The following FSTL5 variants were observed in gnomAD, a reference collection of about 807,000 sequenced individuals.
FSTL5 encodes the protein follistatin like 5, also known as follistatin-related protein 5.
Under a neutral mutation model 89.1 loss-of-function variants are expected in FSTL5, and 62 were observed. The ratio of observed to expected loss-of-function variants is 0.70; its 90% CI spans 0.57 to 0.86. The LOEUF (loss-of-function observed/expected upper bound fraction) is 0.86. Ranked by LOEUF, FSTL5 falls within the 40% of genes least tolerant of loss-of-function variation. The pLI is 0.00. For missense variants in FSTL5, 1,057 were observed against 1,001.6 expected, an observed-to-expected ratio of 1.06 and a Z score of -0.75; for synonymous variants, 383 against 346.2, an observed-to-expected ratio of 1.11 and a Z score of -1.18.
intron 2 of FSTL5, among the ~76,000 whole-genome samples, chr4:162,108,457 T>C (rs1315301660): frequency 6.6e-6 from 1 of 152,018 alleles, no homozygotes; most frequent in African/African-American, 2.4e-5. Context: ...TACATTCTTC[T>C]AGGAAAAATG....
At chr4:162,039,814 G>A (rs930126126) in intron 2 of FSTL5, among the ~76,000 whole-genome samples, 1 of 151,900 alleles carries the variant, frequency 6.6e-6, no homozygotes, top group African/African-American at 2.4e-5. Context: ...TTCTGCAGTA[G>A]TCAAAAGTGA....
At chr4:162,003,909 A>G (rs1736537194) in intron 3 of FSTL5, among the ~76,000 whole-genome samples, 1 of 152,198 alleles carries the variant, frequency 6.6e-6, no homozygotes, top group South Asian at 2.1e-4. Context: ...TCATCTGGCA[A>G]ATGAGGATAA....
chr4:161,666,000 G>A lies in FSTL5; in HGVS notation c.728-9506C>T, dbSNP rs866343503. 2.0e-5 allele frequency among the ~76,000 whole-genome samples: 3 copies of A among 152,166 alleles called. No individual in the cohort carries two copies. In the Middle Eastern group the frequency reaches 0.01, roughly 518 times the overall value. ...ATTTCCATAACATTGGGTAGAGAAAGATTTTGTTAACAAGACACAAATGAA... is the reference window on the plus strand; with the variant it reads ...ATTTCCATAACATTGGGTAGAGAAAAATTTTGTTAACAAGACACAAATGAA... On this transcript the variant is annotated intron_variant, in intron 6 of 15. Transcript: ENST00000306100.
chr4:161,629,068 A>G (rs888354063), intron 7 of FSTL5, among the ~76,000 whole-genome samples: 13 of 152,166 alleles, frequency 8.5e-5, no homozygotes, highest in African/African-American at 3.1e-4. Context: ...AATGACATCA[A>G]TTATTATTTA....
At position 161,825,597 on chromosome 4, in the gene FSTL5, T is replaced by C. The variant is rs113773255; in HGVS notation, c.410-49523A>G. Among the ~76,000 whole-genome samples the C allele has an allele frequency of 4.1e-3, 617 of 152,286 alleles. 3 individuals are homozygous for C. Among genetic ancestry groups the C allele is most frequent in the Admixed American group, 6.6e-3 (101 of 15,294 alleles). On this transcript the variant is annotated intron_variant, in intron 4 of 15. Coordinates refer to ENST00000306100, the MANE Select transcript of FSTL5 (RefSeq NM_020116.5). Reference sequence around the variant, plus strand: ...TATTTGTCTGTTCAGAATTTATATATATTCCTGGTTTAATCTAGGAGGGTT... The same window carrying C: ...TATTTGTCTGTTCAGAATTTATATACATTCCTGGTTTAATCTAGGAGGGTT...
At chr4:162,068,445 T>C (rs1272570020) in intron 2 of FSTL5, among the ~76,000 whole-genome samples, 2 of 152,034 alleles carry the variant, frequency 1.3e-5, no homozygotes, top group Non-Finnish European at 2.9e-5. Context: ...AAGCAAGCAA[T>C]GGGGGAATGG....
chr4:161,430,190 C>G (rs752677286), intron 15 of FSTL5, among the ~76,000 whole-genome samples: 1 of 150,126 alleles, frequency 6.7e-6, no homozygotes, highest in African/African-American at 2.4e-5. Flanking sequence ...TGAAAATACA[C>G]AGAGGAGCAA....
At chr4:161,498,457 C>T (rs1054221114) in intron 12 of FSTL5, among the ~76,000 whole-genome samples, 6 of 152,090 alleles carry the variant, frequency 3.9e-5, no homozygotes, top group Non-Finnish European at 7.4e-5. Context: ...AAATAGCACA[C>T]ATGTGGTGCA....
intron 2 of FSTL5, among the ~76,000 whole-genome samples, chr4:162,046,860 G>A (rs4691808): frequency 0.037 from 5,601 of 152,058 alleles, 164 homozygotes; most frequent in East Asian, 0.11. Flanking sequence ...ATAGATTTGG[G>A]TTTCTAATTT....
chr4:161,454,048 G>A (rs1341519885), intron 15 of FSTL5, among the ~76,000 whole-genome samples: 2 of 152,096 alleles, frequency 1.3e-5, no homozygotes, highest in South Asian at 2.1e-4. Context: ...TTATAATTCT[G>A]ATTTATTAAT....
intron 8 of FSTL5, among the ~76,000 whole-genome samples, chr4:161,581,348 T>C (rs995606773): frequency 6.6e-6 from 1 of 152,182 alleles, no homozygotes; most frequent in African/African-American, 2.4e-5. Flanking sequence ...CTTCTCACTC[T>C]CTCATTTATT....
At chr4:161,590,368 G>A (rs913599261) in intron 7 of FSTL5, among the ~76,000 whole-genome samples, 13 of 151,922 alleles carry the variant, frequency 8.6e-5, no homozygotes, top group East Asian at 1.9e-4. Context: ...AGGAAACCCC[G>A]TCTCTACTAA....
intron 3 of FSTL5, among the ~76,000 whole-genome samples, chr4:161,993,574 T>C (rs561167648): frequency 5.3e-5 from 8 of 152,130 alleles, no homozygotes; most frequent in Non-Finnish European, 1.2e-4. Context: ...GCATATAATA[T>C]ACTTTTGTGC....
intron 10 of FSTL5, among the ~76,000 whole-genome samples, chr4:161,519,514 A>C (rs1229644738): frequency 2.7e-4 from 41 of 151,250 alleles, no homozygotes; most frequent in Admixed American, 2.7e-3. Context: ...CGACAGAGCA[A>C]GACTCTATCT....
At chr4:161,880,172 TAAATTTTACTGCATGC>T (rs1273090428) in intron 4 of FSTL5, among the ~76,000 whole-genome samples, 2 of 152,128 alleles carry the variant, frequency 1.3e-5, no homozygotes, top group Admixed American at 6.6e-5. Context: ...ATGGTAAAGG[TAAATTTTACTGCATGC>T]AAATTTTAAA....
At chr4:161,458,078 G>C (rs949960964) in intron 14 of FSTL5, among the ~76,000 whole-genome samples, 1 of 152,066 alleles carries the variant, frequency 6.6e-6, no homozygotes, top group South Asian at 2.1e-4. Context: ...GGGACACAAG[G>C]CACCCAGCTG....
intron 15 of FSTL5, among the ~76,000 whole-genome samples, chr4:161,408,751 TA>T (rs1230395408): frequency 6.6e-6 from 1 of 152,152 alleles, no homozygotes; most frequent in East Asian, 1.9e-4. Context: ...CTTCTTGAGC[TA>T]AAAAATTCAC....
intron 13 of FSTL5, among the ~76,000 whole-genome samples, chr4:161,469,451 C>T (rs1733857950): frequency 1.3e-5 from 2 of 152,070 alleles, no homozygotes; most frequent in Non-Finnish European, 2.9e-5. Context: ...TCTCTCCAAC[C>T]CCGTGCCAAA....
intron 10 of FSTL5, among the ~76,000 whole-genome samples, chr4:161,535,662 T>C (rs1384956468): frequency 1.3e-5 from 2 of 152,130 alleles, no homozygotes; most frequent in Admixed American, 1.3e-4. Context: ...TCAGCCACTG[T>C]GGTTAGCAGT....
Sources: allele counts gnomAD v4.1 joint callset (sites outside exome capture counted in the v4.1 genomes callset), GRCh38; gene constraint gnomAD v4.1.1; transcripts MANE v1.5; gene names NCBI Gene and HGNC (gene_info 2026-07-23, HGNC 2026-07-21).